The following TSBP1 variants were observed in gnomAD, a reference collection of about 807,000 sequenced individuals.
TSBP1 encodes testis expressed basic protein 1.
In TSBP1, 56 loss-of-function variants were observed where a neutral mutation model predicts 68.8. The ratio of observed to expected loss-of-function variants is 0.81; its 90% confidence interval spans 0.66 to 1.02. TSBP1 has a LOEUF of 1.02. Among genes scored for constraint, TSBP1 ranks in the 50% least tolerant of loss-of-function variants. TSBP1 has a pLI of 0.00. For missense variants in TSBP1, 502 were observed against 641.2 expected, an observed-to-expected ratio of 0.78 and a Z score of 2.34; for synonymous variants, 171 against 208.7, an observed-to-expected ratio of 0.82 and a Z score of 1.56.
chr6:32,351,518 A>G (rs1387487463), intron 8 of TSBP1, among the ~76,000 whole-genome samples: 1 of 152,192 alleles, frequency 6.6e-6, no homozygotes, highest in Non-Finnish European at 1.5e-5. Context: ...AATATAAAAG[A>G]GAAGTCACAA....
chr6:32,366,690 G>T (rs995001160), intron 4 of TSBP1, among the ~76,000 whole-genome samples: 1 of 150,882 alleles, frequency 6.6e-6, no homozygotes, highest in African/African-American at 2.4e-5. Flanking sequence ...GTGAACCCGG[G>T]AGGCGGAGCT....
chr6:32,358,126 A>AT (rs1772548301), intron 6 of TSBP1, among the ~76,000 whole-genome samples: 1 of 152,186 alleles, frequency 6.6e-6, no homozygotes, highest in African/African-American at 2.4e-5. Context: ...GCTCACCAGA[A>AT]TGACTAACAT....
chr6:32,365,622 G>A lies in TSBP1; in HGVS notation c.217+545C>T. On this transcript the variant is annotated intron_variant, in intron 6 of 22. Coordinates refer to ENST00000612031, the Ensembl canonical transcript of TSBP1. This position sits in a 1 kb window ranked among gnomAD's most constrained non-coding sequence, Gnocchi z 4.3. Reference sequence around the variant, plus strand: ...ATCGGACAGCATCCTGAATGGCTGGGGGATGTGGGCACTCATTAAGTTCTG... The same window carrying A: ...ATCGGACAGCATCCTGAATGGCTGGAGGATGTGGGCACTCATTAAGTTCTG... 2.2e-6 allele frequency: 1 copy of A among 456,442 alleles called. No homozygotes were observed. Among genetic ancestry groups the A allele is most frequent in the Admixed American group, 2.3e-5 (1 of 42,572 alleles). The allele number at this position is 456,442 out of a possible 1,614,324, so 28.3% of individuals were successfully genotyped here.
In TSBP1 at chr6:32,365,539, C is replaced by G. The variant is rs765235494; in HGVS notation, c.217+628G>C. On this transcript the variant is annotated intron_variant, in intron 6 of 22. Transcript: ENST00000612031. The surrounding 1 kb of genome is among the most constrained non-coding windows in gnomAD (Gnocchi z 4.3). ...TTTCCCTGCTCCCAGCCTCTCCTAACCATTCAACTATGCTGATCATCTCAA... is the reference window on the plus strand; with the variant it reads ...TTTCCCTGCTCCCAGCCTCTCCTAAGCATTCAACTATGCTGATCATCTCAA... 9.2e-5 allele frequency: 42 copies of G among 456,582 alleles called. No homozygotes were observed. The highest frequency in any genetic ancestry group is 6.4e-4 in the African/African-American group (32 of 50,166). 28.3% of individuals were successfully genotyped at this position (456,582 alleles called of 1,614,324 possible). A position where few individuals can be genotyped will look rare whatever the true frequency, so the allele number is the denominator to read the frequency against.
chr6:32,315,127 G>T lies in TSBP1; in HGVS notation c.580+645C>A, dbSNP rs778468746. On this transcript the variant is annotated intron_variant, in intron 19 of 22. Transcript: ENST00000612031. The surrounding 1 kb of genome is among the most constrained non-coding windows in gnomAD (Gnocchi z 5.4). Reference sequence around the variant, plus strand: ...ATTTGTAACTGAGATATGAGAACCAGATTTGCATTTTGGAAAACTAGGACA... The same window carrying T: ...ATTTGTAACTGAGATATGAGAACCATATTTGCATTTTGGAAAACTAGGACA... Among the ~76,000 whole-genome samples, 21 of 152,200 alleles carry T rather than the reference G, an allele frequency of 1.4e-4. No homozygotes were observed. Among genetic ancestry groups the T allele is most frequent in the African/African-American group, 4.8e-4 (20 of 41,448 alleles).
intron 8 of TSBP1, among the ~76,000 whole-genome samples, chr6:32,352,008 A>C (rs1271393486): frequency 2.0e-5 from 3 of 152,100 alleles, no homozygotes; most frequent in African/African-American, 7.2e-5. Flanking sequence ...GTTCAATTCT[A>C]TACCTAGCTA....
At chr6:32,323,655 C>T (rs747065872) in intron 16 of TSBP1, 41 bp from the exon 18 acceptor site, 8 of 1,602,642 alleles carry the variant, frequency 5.0e-6, no homozygotes, top group African/African-American at 1.3e-5. Context: ...TTTTTTCTCC[C>T]ATGATATTTT....
At chr6:32,344,671 C>G (rs2127618896) in intron 9 of TSBP1, among the ~76,000 whole-genome samples, 1 of 152,230 alleles carries the variant, frequency 6.6e-6, no homozygotes, top group Admixed American at 6.5e-5. Flanking sequence ...ATCAAATCCT[C>G]TATGCCAGCT....
rs7765585 is a variant in TSBP1 at position 32,336,248 on chromosome 6, A to G, written c.431-316T>C. Among the ~76,000 whole-genome samples, 23,656 of 152,178 alleles carry G rather than the reference A, an allele frequency of 0.16. 2,227 individuals carry two copies. The highest frequency in any genetic ancestry group is 0.29 in the East Asian group (1,498 of 5,180). ...TGCCCCTTGCCCCTAGTTTCCTTAGAGACATGGTTTATTTGAAAGGTGTAC... is the reference window on the plus strand; with the variant it reads ...TGCCCCTTGCCCCTAGTTTCCTTAGGGACATGGTTTATTTGAAAGGTGTAC... On this transcript the variant is annotated intron_variant, in intron 12 of 22. Coordinates refer to ENST00000612031, the Ensembl canonical transcript of TSBP1. The surrounding 1 kb of genome is among the most constrained non-coding windows in gnomAD (Gnocchi z 5.2).
chr6:32,355,088 G>A (rs1772138618), intron 8 of TSBP1, 36 bp downstream of exon 8: 1 of 1,593,154 alleles, frequency 6.3e-7, no homozygotes. Flanking sequence ...CAAACCAGAT[G>A]ACAGTAGAAT....
Position 32,325,867 on chromosome 6 carries a change from C to T in TSBP1, c.515-2253G>A. 1 of 1,450,720 alleles carries T rather than the reference C, an allele frequency of 6.9e-7. No homozygotes were observed. Among genetic ancestry groups the T allele is most frequent in the Non-Finnish European group, 9.6e-7 (1 of 1,046,338 alleles). The allele number at this position is 1,450,720 out of a possible 1,614,324, so 89.9% of individuals were successfully genotyped here. A position where few individuals can be genotyped will look rare whatever the true frequency, so the allele number is the denominator to read the frequency against. ...TTTCGGTGGGAATGACAACTTTGAT[C>T]ATGGAGGAAACTTCAGTGGTTGTGG... On this transcript the variant is annotated intron_variant, in intron 16 of 22. Transcript: ENST00000612031. This position sits in a 1 kb window ranked among gnomAD's most constrained non-coding sequence, Gnocchi z 4.4.
At chr6:32,295,334 T>TCACACACACACA (rs201473295) in intron 22 of TSBP1, among the ~76,000 whole-genome samples, 7 of 97,452 alleles carry the variant, frequency 7.2e-5, no homozygotes, top group Non-Finnish European at 1.2e-4. Flanking sequence ...ATACTCCATC[T>TCACACACACACA]CACACACACA....
chr6:32,305,013 C>T (rs1434875975), intron 19 of TSBP1, among the ~76,000 whole-genome samples: 1 of 152,190 alleles, frequency 6.6e-6, no homozygotes, highest in East Asian at 1.9e-4. Flanking sequence ...CTCGCTAACG[C>T]AGGCCTCCAT....
intron 16 of TSBP1, among the ~76,000 whole-genome samples, chr6:32,326,658 G>A: frequency 6.6e-6 from 1 of 152,222 alleles, no homozygotes; most frequent in Non-Finnish European, 1.5e-5. Context: ...AAACTTACAA[G>A]AGGATCCTGT....
rs1015675990 is a variant in TSBP1, at chr6:32,321,563, T to C, written c.559+1554A>G. Reference sequence around the variant, plus strand: ...ATCTCTGGGTCGGAACCATTGTCTCTGTATTTTTATCTGTGCCGTGAGAAT... The same window carrying C: ...ATCTCTGGGTCGGAACCATTGTCTCCGTATTTTTATCTGTGCCGTGAGAAT... On this transcript the variant is annotated intron_variant, in intron 18 of 22. Transcript: ENST00000612031. This position sits in a 1 kb window ranked among gnomAD's most constrained non-coding sequence, Gnocchi z 4.3. Among the ~76,000 whole-genome samples the C allele has an allele frequency of 1.3e-5, 2 of 152,184 alleles. No homozygotes were observed. Among genetic ancestry groups the C allele is most frequent in the Non-Finnish European group, 2.9e-5 (2 of 68,046 alleles).
At chr6:32,310,761 A>ATATATATATATATATATATATAT in intron 19 of TSBP1, among the ~76,000 whole-genome samples, 36 of 144,816 alleles carry the variant, frequency 2.5e-4, no homozygotes, top group African/African-American at 7.1e-4. Context: ...ATATATATAT[A>ATATATATATATATATATATATAT]TTTTTAATCT....
chr6:32,353,743 G>A (rs1308663931), intron 8 of TSBP1, among the ~76,000 whole-genome samples: 1 of 151,848 alleles, frequency 6.6e-6, no homozygotes, highest in Admixed American at 6.6e-5. Context: ...ACGGAAAAAC[G>A]AAATATATAA....
At chr6:32,368,693 C>A in intron 3 of TSBP1, 89 bp downstream of exon 3, 1 of 1,375,922 alleles carries the variant, frequency 7.3e-7, no homozygotes, top group Non-Finnish European at 1.0e-6. Context: ...GTTCTGGAAA[C>A]ACAACTGTAA....
chr6:32,293,465 G>C lies in TSBP1; in HGVS notation c.1208C>G (p.Ser403Ter), dbSNP rs576799487. 6.2e-7 allele frequency: 1 copy of C among 1,611,058 alleles called. No individual in the cohort carries two copies. Among genetic ancestry groups the C allele is most frequent in the East Asian group, 2.2e-5 (1 of 44,838 alleles). Residue 403 changes from serine to a stop codon, truncating the protein, a stop_gained, in exon 23 of 23, where the codon TCA becomes TGA. Coordinates refer to ENST00000612031, the Ensembl canonical transcript of TSBP1. LOFTEE classifies it low-confidence loss of function (END_TRUNC). ...GGCTTCCTGTCCTTTCAGTACAACT[G>C]ACTCCCTCTTCTTTACCTGGGCTTC...
Sources: allele counts gnomAD v4.1 joint callset (sites outside exome capture counted in the v4.1 genomes callset), GRCh38; gene constraint gnomAD v4.1.1; non-coding constraint Gnocchi (gnomAD v3.1); transcripts MANE v1.5; gene names NCBI Gene and HGNC (gene_info 2026-07-23, HGNC 2026-07-21).